Variants in CACNA2D3 observed in about 807,000 individuals in gnomAD.
The protein encoded by CACNA2D3 is voltage-dependent calcium channel subunit alpha-2/delta-3.
Under a neutral mutation model 160.6 loss-of-function variants are expected in CACNA2D3, and 60 were observed. That is an observed-to-expected ratio of 0.37 (90% CI 0.30 to 0.46). The LOEUF (loss-of-function observed/expected upper bound fraction) is 0.46. Ranked by LOEUF, CACNA2D3 falls within the 20% of genes least tolerant of loss-of-function variation. CACNA2D3 has a pLI of 1.00. For synonymous variants in CACNA2D3, 558 were observed against 492.9 expected, an observed-to-expected ratio of 1.13 and a Z score of -1.75; for missense variants, 1,205 against 1,365.0, an observed-to-expected ratio of 0.88 and a Z score of 1.85.
chr3:54,967,513 T>C (rs975408382), intron 27 of CACNA2D3, among the ~76,000 whole-genome samples: 6 of 152,118 alleles, frequency 3.9e-5, no homozygotes, highest in Non-Finnish European at 7.4e-5. Context: ...TATGCAAATA[T>C]GGTAAAAATG....
chr3:54,230,025 A>G (rs1176622319), intron 2 of CACNA2D3, among the ~76,000 whole-genome samples: 1 of 152,214 alleles, frequency 6.6e-6, no homozygotes, highest in Non-Finnish European at 1.5e-5. Flanking sequence ...TTATGCAAGT[A>G]GGAAGCGTTG....
intron 27 of CACNA2D3, among the ~76,000 whole-genome samples, chr3:54,911,763 A>G (rs945339037): frequency 6.6e-6 from 1 of 152,150 alleles, no homozygotes; most frequent in Admixed American, 6.6e-5. Context: ...TGTTAAAGAT[A>G]AGTAATATCA....
chr3:54,748,301 A>G (rs1701793683), intron 11 of CACNA2D3, among the ~76,000 whole-genome samples: 1 of 152,168 alleles, frequency 6.6e-6, no homozygotes, highest in African/African-American at 2.4e-5. Context: ...ATCTTCACCA[A>G]AGGTTAAAAA....
intron 5 of CACNA2D3, among the ~76,000 whole-genome samples, chr3:54,544,773 T>G (rs1310109963): frequency 6.6e-6 from 1 of 152,230 alleles, no homozygotes; most frequent in Non-Finnish European, 1.5e-5. Flanking sequence ...TGAGACATTC[T>G]ATGAGTAACA....
At chr3:54,910,959 A>T (rs1356898781) in intron 27 of CACNA2D3, among the ~76,000 whole-genome samples, 1 of 152,200 alleles carries the variant, frequency 6.6e-6, no homozygotes, top group African/African-American at 2.4e-5. Context: ...AGACAGAAAA[A>T]AATACAATGA....
intron 21 of CACNA2D3, among the ~76,000 whole-genome samples, chr3:54,884,806 C>T (rs1699884842): frequency 6.6e-6 from 1 of 152,204 alleles, no homozygotes; most frequent in African/African-American, 2.4e-5. Flanking sequence ...TATGATTTCA[C>T]CCTCACAACC....
intron 2 of CACNA2D3, among the ~76,000 whole-genome samples, chr3:54,316,889 G>T (rs1703876586): frequency 6.6e-6 from 1 of 152,206 alleles, no homozygotes; most frequent in African/African-American, 2.4e-5. Context: ...TTGGGGCCTG[G>T]TTTAAAACCA....
intron 3 of CACNA2D3, among the ~76,000 whole-genome samples, chr3:54,344,107 G>T (rs981051513): frequency 6.6e-6 from 1 of 152,248 alleles, no homozygotes; most frequent in South Asian, 2.1e-4. Flanking sequence ...GGAGGAAGTA[G>T]TAATAGAATA....
intron 2 of CACNA2D3, among the ~76,000 whole-genome samples, chr3:54,269,278 A>G (rs1342200341): frequency 6.6e-6 from 1 of 151,822 alleles, no homozygotes; most frequent in Non-Finnish European, 1.5e-5. Flanking sequence ...GGGAGGAAAT[A>G]TTGCTGGATC....
At chr3:54,429,021 C>T (rs1420802594) in intron 4 of CACNA2D3, among the ~76,000 whole-genome samples, 1 of 152,178 alleles carries the variant, frequency 6.6e-6, no homozygotes, top group Non-Finnish European at 1.5e-5. Flanking sequence ...GGCTTAAAGA[C>T]CCAAGCTGGT....
rs1387337111 is a variant in CACNA2D3 at position 54,689,008 on chromosome 3, A to AG, written c.1167+46767_1167+46768insG. On this transcript the variant is annotated intron_variant, in intron 11 of 37. Coordinates refer to ENST00000474759, the MANE Select transcript of CACNA2D3 (RefSeq NM_018398.3). ...AAAAAAAAAAAAAAAAAAAAAAAAA[A>AG]AAAGAATGAGGTTGTATACATAAAG... is the stretch of plus-strand genomic sequence containing the variant. Among the ~76,000 whole-genome samples, 580 of 63,552 alleles carry AG rather than the reference A, an allele frequency of 9.1e-3. 110 individuals are homozygous for AG. Among genetic ancestry groups the AG allele is most frequent in the African/African-American group, 0.021 (367 of 17,652 alleles). The allele number at this position is 63,552 out of a possible 152,430, so 41.7% of individuals were successfully genotyped here.
chr3:54,732,985 C>A (rs1390125028), intron 11 of CACNA2D3, among the ~76,000 whole-genome samples: 5 of 152,206 alleles, frequency 3.3e-5, no homozygotes, highest in Admixed American at 6.5e-5. Flanking sequence ...CTGATCAGAA[C>A]TTCTAAAGTG....
intron 35 of CACNA2D3, among the ~76,000 whole-genome samples, chr3:55,070,877 A>G (rs1484704354): frequency 6.6e-6 from 1 of 152,168 alleles, no homozygotes; most frequent in East Asian, 1.9e-4. Context: ...AGAATGTGTA[A>G]TCAGTACTAT....
Position 54,850,056 on chromosome 3 carries a change from C to T in CACNA2D3, c.1626+3589C>T, listed in dbSNP as rs115476109. On this transcript the variant is annotated intron_variant, in intron 17 of 37. Transcript: ENST00000474759. ...AATCAGCGGACTCACTTTGGTTTAA[C>T]TGGCAAAGCTGCTGAAGCAATGCTT... 2.6e-3 allele frequency among the ~76,000 whole-genome samples: 393 copies of T among 152,300 alleles called. 1 individual carries two copies. The highest frequency in any genetic ancestry group is 4.3e-3 in the Admixed American group (66 of 15,300).
At chr3:54,634,885 T>C (rs1348918609) in intron 10 of CACNA2D3, among the ~76,000 whole-genome samples, 2 of 152,102 alleles carry the variant, frequency 1.3e-5, no homozygotes, top group African/African-American at 4.8e-5. Flanking sequence ...GGCATATACA[T>C]GCAGGTCACA....
chr3:54,287,379 T>A (rs1703060750), intron 2 of CACNA2D3, among the ~76,000 whole-genome samples: 1 of 151,650 alleles, frequency 6.6e-6, no homozygotes, highest in Admixed American at 6.6e-5. Context: ...GAGCTAACTA[T>A]CCTAAATATA....
chr3:54,976,052 T>C (rs1370756492), intron 29 of CACNA2D3, among the ~76,000 whole-genome samples: 2 of 130,030 alleles, frequency 1.5e-5, no homozygotes, highest in Non-Finnish European at 3.1e-5. Flanking sequence ...GGTATAGATA[T>C]AGATACACAC....
intron 4 of CACNA2D3, among the ~76,000 whole-genome samples, chr3:54,423,536 A>G (rs539168256): frequency 2.0e-5 from 3 of 152,272 alleles, no homozygotes; most frequent in South Asian, 2.1e-4. Context: ...TTGGAGAGCA[A>G]TGCTTATGTG....
intron 2 of CACNA2D3, among the ~76,000 whole-genome samples, chr3:54,151,287 A>G (rs1028218727): frequency 1.3e-4 from 19 of 151,710 alleles, no homozygotes; most frequent in Non-Finnish European, 1.8e-4. Flanking sequence ...GAATGAATGG[A>G]TGTAGGGACG....
Sources: allele counts gnomAD v4.1 joint callset (sites outside exome capture counted in the v4.1 genomes callset), GRCh38; gene constraint gnomAD v4.1.1; transcripts MANE v1.5; gene names NCBI Gene and HGNC (gene_info 2026-07-23, HGNC 2026-07-21).